Variants in POGZ observed in about 807,000 individuals in gnomAD.
POGZ encodes the protein pogo transposable element derived with ZNF domain.
Under a neutral mutation model 134.6 loss-of-function variants are expected in POGZ, and 17 were observed. The ratio of observed to expected loss-of-function variants is 0.13; its 90% CI spans 0.09 to 0.19. The LOEUF is 0.19. Ranked by LOEUF, POGZ falls within the 10% of genes least tolerant of loss-of-function variation. The pLI is 1.00. For missense variants in POGZ, 1,306 were observed against 1,769.7 expected (o/e 0.74, Z 4.70); for synonymous variants, 693 against 657.1 (o/e 1.05, Z -0.84).
intron 10 of POGZ, among the ~76,000 whole-genome samples, chr1:151,413,548 A>G (rs1655067511): frequency 6.6e-6 from 1 of 152,142 alleles, no homozygotes; most frequent in African/African-American, 2.4e-5. Context: ...AAATATGAAA[A>G]CTGGAAGCTT....
chr1:151,430,847 G>C lies in POGZ; in HGVS notation c.284-6C>G. 7 of 1,538,046 alleles carry C rather than the reference G, an allele frequency of 4.6e-6. No homozygotes were observed. The highest frequency in any genetic ancestry group is 6.1e-6 in the Non-Finnish European group (7 of 1,153,606). On this transcript the variant is annotated splice_region_variant and splice_polypyrimidine_tract_variant and intron_variant, in intron 3 of 18. Transcript: ENST00000271715. ...CTGGACCAAAGGATTGCCAGCTAAA[G>C]GGTAAAGGAAGAAAAAAAAAAAGGA...
intron 1 of POGZ, among the ~76,000 whole-genome samples, chr1:151,452,135 C>T (rs923034071): frequency 8.0e-5 from 12 of 149,924 alleles, no homozygotes; most frequent in South Asian, 4.2e-4. Context: ...CAATGTTGGC[C>T]GGGCATGGTG....
chr1:151,455,875 A>G (rs1290452859), intron 1 of POGZ, among the ~76,000 whole-genome samples: 2 of 151,212 alleles, frequency 1.3e-5, no homozygotes, highest in Non-Finnish European at 2.9e-5. Context: ...ACTAAAACTC[A>G]ACAAACGGTA....
chr1:151,406,759 T>C (rs1653723633), intron 17 of POGZ, 128 bp from the exon 18 acceptor site: 2 of 1,037,556 alleles, frequency 1.9e-6, no homozygotes, highest in South Asian at 1.4e-5. Context: ...CCCAGTTTTA[T>C]ATAAACTTCA....
intron 10 of POGZ, among the ~76,000 whole-genome samples, chr1:151,419,528 G>C: frequency 6.6e-6 from 1 of 151,630 alleles, no homozygotes; most frequent in East Asian, 1.9e-4. Context: ...AATTAGCTGG[G>C]CATAGTGGCA....
At chr1:151,415,670 CA>C (rs749459920) in intron 10 of POGZ, among the ~76,000 whole-genome samples, 2,965 of 54,270 alleles carry the variant, frequency 0.055, 62 homozygotes, top group African/African-American at 0.15. Flanking sequence ...GACTCCGTCT[CA>C]AAAAAAAAAA....
rs767228057 is a variant in POGZ, at chr1:151,406,182, G to A, written c.2853C>T (p.Val951=). 1.8e-5 allele frequency: 29 copies of A among 1,614,152 alleles called. No homozygotes were observed. In the East Asian group the frequency reaches 6.2e-4, roughly 35 times the overall value. ...NVDDQDEGSP[V]TQEPELASGG... ...CTGATGCTAGCTCAGGTTCTTGGGTGACTGGGCTCCCTTCATCCTGATCAT... is the reference window on the plus strand; with the variant it reads ...CTGATGCTAGCTCAGGTTCTTGGGTAACTGGGCTCCCTTCATCCTGATCAT... Residue 951 remains valine, a synonymous_variant, in exon 19 of 19, where the codon GTC becomes GTT. Coordinates refer to ENST00000271715, the MANE Select transcript of POGZ (RefSeq NM_015100.4).
At chr1:151,423,859 TC>T in intron 9 of POGZ, 89 bp downstream of exon 9, 1 of 979,252 alleles carries the variant, frequency 1.0e-6, no homozygotes, top group Non-Finnish European at 1.5e-6. Context: ...AGTAGTTAGG[TC>T]CATTCTCCAA....
Position 151,409,518 on chromosome 1 carries a change from G to A in POGZ, c.1927-690C>T, listed in dbSNP as rs950157707. On this transcript the variant is annotated intron_variant, in intron 12 of 18. Coordinates refer to ENST00000271715, the MANE Select transcript of POGZ (RefSeq NM_015100.4). ...GCCCGGCTACTTTTTGTATTTTTTT[G>A]TAGAGACGGGGTGTCACCATGTTGC... 1.5e-3 allele frequency among the ~76,000 whole-genome samples: 223 copies of A among 152,202 alleles called. 6 individuals carry two copies. Among genetic ancestry groups the A allele is most frequent in the Non-Finnish European group, 3.2e-4 (22 of 67,994 alleles).
Position 151,406,388 on chromosome 1 carries a change from T to C in POGZ, c.2647A>G (p.Lys883Glu). Residue 883 changes from lysine (K) to glutamate (E), a missense_variant, in exon 19 of 19, where the codon AAA (lysine) becomes GAA (glutamate). Lys to Glu is a moderately conservative substitution (Grantham distance 56). This residue lies in a region of POGZ where 214 missense variants were observed against 255.5 expected (regional missense o/e 0.84). Transcript: ENST00000271715. ...MYPPPSFPTN[K>E]AATVKSAGAT... ...CCCGCAGATTTCACAGTGGCAGCTTTGTTAGTGGGGAAGGAAGGAGGAGGG... is the reference window on the plus strand; with the variant it reads ...CCCGCAGATTTCACAGTGGCAGCTTCGTTAGTGGGGAAGGAAGGAGGAGGG... 6.3e-7 allele frequency: 1 copy of C among 1,578,156 alleles called. No homozygotes were observed. Among genetic ancestry groups the C allele is most frequent in the Non-Finnish European group, 8.6e-7 (1 of 1,164,050 alleles).
intron 15 of POGZ, 88 bp downstream of exon 15, chr1:151,408,012 C>G (rs894478603): frequency 1.1e-6 from 1 of 909,528 alleles, no homozygotes; most frequent in Admixed American, 3.0e-5. Context: ...ACCCTGTCTT[C>G]AAAAAAAAAA....
At position 151,427,881 on chromosome 1, in the gene POGZ, G is replaced by A; in HGVS notation, c.1020C>T (p.Ser340=). 3.7e-6 allele frequency: 6 copies of A among 1,614,056 alleles called. No homozygotes were observed. Among genetic ancestry groups the A allele is most frequent in the Non-Finnish European group, 5.1e-6 (6 of 1,179,968 alleles). Reference sequence around the variant, plus strand: ...GAGAGCCATGAGCAGAGCTGTTGTTGGACACCACCACTGGCCCAGGACTCT... The same window carrying A: ...GAGAGCCATGAGCAGAGCTGTTGTTAGACACCACCACTGGCCCAGGACTCT... The part of the protein sequence containing the change: ...LGQSPGPVVV[S]NNSSAHGSQR... The change falls in exon 7 of 19, where the codon TCC becomes TCT. Residue 340 remains serine, a synonymous_variant. Transcript: ENST00000271715.
At chr1:151,438,957 A>C (rs1201359675) in intron 3 of POGZ, 2 of 152,208 alleles carry the variant, frequency 1.3e-5, no homozygotes, top group African/African-American at 4.8e-5. Flanking sequence ...AGGTTAGGTA[A>C]GCTGGTTGCT....
At chr1:151,435,059 C>A (rs946804829) in intron 3 of POGZ, among the ~76,000 whole-genome samples, 2 of 151,986 alleles carry the variant, frequency 1.3e-5, no homozygotes, top group African/African-American at 4.8e-5. Context: ...ACCACCATGC[C>A]CAGCTAATTT....
intron 1 of POGZ, among the ~76,000 whole-genome samples, chr1:151,448,785 A>C (rs1571572874): frequency 1.3e-5 from 2 of 152,292 alleles, no homozygotes; most frequent in South Asian, 4.1e-4. Flanking sequence ...GAATCTCTTA[A>C]GTCCAGGAGG....
chr1:151,438,657 C>T (rs1271361334), intron 3 of POGZ, among the ~76,000 whole-genome samples: 2 of 152,036 alleles, frequency 1.3e-5, no homozygotes, highest in African/African-American at 4.8e-5. Flanking sequence ...GAGGGAGGAT[C>T]GCTTGAGCTT....
chr1:151,447,351 A>G (rs1661421679), intron 1 of POGZ, among the ~76,000 whole-genome samples: 1 of 151,890 alleles, frequency 6.6e-6, no homozygotes, highest in Non-Finnish European at 1.5e-5. Context: ...CAGCTTGGAC[A>G]ACAGAGCAAG....
intron 10 of POGZ, among the ~76,000 whole-genome samples, chr1:151,419,024 CAAAAAAAAAAAAAAAA>C (rs71090164): frequency 1.5e-4 from 8 of 52,162 alleles, no homozygotes; most frequent in South Asian, 7.7e-4. Flanking sequence ...AGCTCTGTCT[CAAAAAAAAAAAAAAAA>C]AAAAAAGAAA....
At chr1:151,407,870 G>A (rs1377992420) in intron 15 of POGZ, among the ~76,000 whole-genome samples, 2 of 151,984 alleles carry the variant, frequency 1.3e-5, no homozygotes, top group African/African-American at 4.8e-5. Context: ...AAATCAGCCA[G>A]GCATGGTGGT....
Sources: allele counts gnomAD v4.1 joint callset (sites outside exome capture counted in the v4.1 genomes callset), GRCh38; gene constraint gnomAD v4.1.1; regional missense constraint gnomAD v4.1.1; transcripts MANE v1.5; gene names NCBI Gene and HGNC (gene_info 2026-07-23, HGNC 2026-07-21).